WWOX: variants seen among roughly 807,000 people sequenced by gnomAD.
WWOX encodes WW domain containing oxidoreductase.
WWOX carries 69 observed loss-of-function variants against 46.2 expected under a neutral mutation model. The ratio of observed to expected loss-of-function variants is 1.49; its 90% CI spans 1.23 to 1.82. WWOX has a LOEUF of 1.82. Ranked by LOEUF, WWOX falls within the 40% of genes most tolerant of loss-of-function variation. The probability of loss-of-function intolerance (pLI) is 0.00; values close to 1 mark genes in which losing one functional copy is unlikely to be tolerated. For missense variants in WWOX, 919 were observed against 542.6 expected (o/e 1.69, Z -6.89); for synonymous variants, 359 against 202.6 (o/e 1.77, Z -6.56).
At chr16:78,958,166 C>T (rs772344010) in intron 8 of WWOX, among the ~76,000 whole-genome samples, 34 of 152,172 alleles carry the variant, frequency 2.2e-4, no homozygotes, top group Non-Finnish European at 4.6e-4. Flanking sequence ...AAGGAAATTC[C>T]ATTTGGTCCT....
intron 8 of WWOX, among the ~76,000 whole-genome samples, chr16:78,940,890 C>G (rs944117591): frequency 5.9e-5 from 9 of 152,160 alleles, no homozygotes; most frequent in Non-Finnish European, 2.9e-5. Context: ...TTTTCAGTCA[C>G]TCTTCATGTC....
chr16:78,623,277 G>C (rs1488028298), intron 8 of WWOX, among the ~76,000 whole-genome samples: 1 of 152,182 alleles, frequency 6.6e-6, no homozygotes, highest in Admixed American at 6.5e-5. Flanking sequence ...GTACACCCTG[G>C]ATAGTAGACA....
At chr16:78,399,359 G>A (rs999210872) in intron 6 of WWOX, among the ~76,000 whole-genome samples, 1 of 152,210 alleles carries the variant, frequency 6.6e-6, no homozygotes, top group South Asian at 2.1e-4. Context: ...ATAGTTGTAT[G>A]TAATCGTAGT....
rs146304586 is a variant in WWOX, at chr16:79,195,209, C to G, written c.1057-16399C>G. On this transcript the variant is annotated intron_variant, in intron 8 of 8. Coordinates refer to ENST00000566780, the MANE Select transcript of WWOX (RefSeq NM_016373.4). ...GTACCCCAGGAAGTAGATTCTGCAA[C>G]TGAGATTGGCATGTAGGAAGATTAC... Among the ~76,000 whole-genome samples the G allele has an allele frequency of 7.8e-4, 119 of 152,180 alleles. 1 individual carries two copies. In the East Asian group the frequency reaches 0.018, roughly 24 times the overall value.
rs555019201 is a variant in WWOX at position 78,193,260 on chromosome 16, A to C, written c.516+28971A>C. Reference sequence around the variant, plus strand: ...AGGCAGGGAGGGAATGATAATTGTGAACAAAGAATTCACTTGACCAAAGAT... The same window carrying C: ...AGGCAGGGAGGGAATGATAATTGTGCACAAAGAATTCACTTGACCAAAGAT... On this transcript the variant is annotated intron_variant, in intron 5 of 8. Transcript: ENST00000566780. Among the ~76,000 whole-genome samples, 228 of 152,362 alleles carry C rather than the reference A, an allele frequency of 1.5e-3. 1 individual carries two copies. Among genetic ancestry groups the C allele is most frequent in the African/African-American group, 5.4e-3 (225 of 41,590 alleles).
chr16:78,845,899 A>G (rs761350652), intron 8 of WWOX, among the ~76,000 whole-genome samples: 4 of 152,142 alleles, frequency 2.6e-5, no homozygotes, highest in Non-Finnish European at 5.9e-5. Context: ...CATTTTCCCC[A>G]TTTAAGGTAG....
intron 8 of WWOX, among the ~76,000 whole-genome samples, chr16:79,062,520 G>C (rs9922235): frequency 0.62 from 93,783 of 152,046 alleles, 29,374 homozygotes; most frequent in African/African-American, 0.69. Context: ...GAGGAATCGA[G>C]TGTGACTTTA....
intron 8 of WWOX, among the ~76,000 whole-genome samples, chr16:78,630,413 C>G (rs34561764): frequency 0.043 from 6,557 of 152,268 alleles, 230 homozygotes; most frequent in Middle Eastern, 0.075. Context: ...GGAATACCTG[C>G]TTTCCTTTGT....
chr16:78,511,327 C>A lies in WWOX; in HGVS notation c.1056+78575C>A, dbSNP rs575947109. 3.9e-5 allele frequency among the ~76,000 whole-genome samples: 6 copies of A among 152,322 alleles called. No homozygotes were observed. In the East Asian group the frequency reaches 1.2e-3, roughly 29 times the overall value. ...CACAGGGATGCCTTCGGTCCAGACA[C>A]TATGACCGTTGACGAAGGATTTGAA... On this transcript the variant is annotated intron_variant, in intron 8 of 8. Transcript: ENST00000566780.
chr16:79,210,546 T>C (rs1240410661), intron 8 of WWOX, among the ~76,000 whole-genome samples: 1 of 152,140 alleles, frequency 6.6e-6, no homozygotes, highest in Non-Finnish European at 1.5e-5. Context: ...AGTTACCTTT[T>C]CCGGTCCTCT....
chr16:78,530,050 C>A (rs186820218), intron 8 of WWOX, among the ~76,000 whole-genome samples: 2 of 152,116 alleles, frequency 1.3e-5, no homozygotes, highest in African/African-American at 2.4e-5. Flanking sequence ...CTCACTTGAA[C>A]CCCCTGCACT....
At chr16:78,409,978 G>A (rs1178351895) in intron 6 of WWOX, among the ~76,000 whole-genome samples, 1 of 152,218 alleles carries the variant, frequency 6.6e-6, no homozygotes, top group Non-Finnish European at 1.5e-5. Context: ...CACATGCCAT[G>A]TTGAAACATA....
intron 8 of WWOX, among the ~76,000 whole-genome samples, chr16:78,815,106 T>C (rs150595948): frequency 0.014 from 2,110 of 152,226 alleles, 26 homozygotes; most frequent in Non-Finnish European, 0.022. Context: ...GGGCAGATTG[T>C]CTGAGGTCAG....
At position 79,211,832 on chromosome 16, in the gene WWOX, C is replaced by CTG. The variant is rs747157054; in HGVS notation, c.*44_*45dup. 7 of 1,612,674 alleles carry CTG rather than the reference C, an allele frequency of 4.3e-6. No homozygotes were observed. In the African/African-American group the frequency reaches 5.3e-5, roughly 12 times the overall value. ...GAGCGGATGGGCACACACACCCGCCCTGTGTGTGTCCCCTCACGCAAGTGC... is the reference window on the plus strand; with the variant it reads ...GAGCGGATGGGCACACACACCCGCCCTGTGTGTGTGTCCCCTCACGCAAGTGC... On this transcript the variant is annotated 3_prime_UTR_variant, in exon 9 of 9. Transcript: ENST00000566780.
At chr16:78,849,160 C>T (rs917949446) in intron 8 of WWOX, among the ~76,000 whole-genome samples, 1 of 152,128 alleles carries the variant, frequency 6.6e-6, no homozygotes, top group Non-Finnish European at 1.5e-5. Context: ...CTAGTTTGGC[C>T]ACTGTTCTGC....
rs1597652424 is a variant in WWOX, at chr16:78,811,225, G to A, written c.1056+378473G>A. Among the ~76,000 whole-genome samples, 4 of 152,116 alleles carry A rather than the reference G, an allele frequency of 2.6e-5. No homozygotes were observed. In the South Asian group the frequency reaches 8.3e-4, roughly 32 times the overall value. On this transcript the variant is annotated intron_variant, in intron 8 of 8. Coordinates refer to ENST00000566780, the MANE Select transcript of WWOX (RefSeq NM_016373.4). ...GATCTACCTTATGTTGTATACACAT[G>A]GTCACTCACATACATAGGTGTATTA...
chr16:78,356,426 G>A (rs755657183), intron 5 of WWOX, among the ~76,000 whole-genome samples: 2 of 152,186 alleles, frequency 1.3e-5, no homozygotes, highest in Admixed American at 6.5e-5. Context: ...TTGTGGACCC[G>A]TGGGAAAATC....
intron 8 of WWOX, among the ~76,000 whole-genome samples, chr16:79,202,032 G>A (rs79548139): frequency 0.018 from 2,786 of 151,712 alleles, 38 homozygotes; most frequent in Middle Eastern, 0.051. Flanking sequence ...ACTATGGCCT[G>A]CCGGCTAAAT....
intron 8 of WWOX, among the ~76,000 whole-genome samples, chr16:78,494,560 A>G (rs2084864007): frequency 6.6e-6 from 1 of 152,230 alleles, no homozygotes; most frequent in Non-Finnish European, 1.5e-5. Flanking sequence ...TGTTTTTGGC[A>G]GGCAACATTC....
Sources: allele counts gnomAD v4.1 joint callset (sites outside exome capture counted in the v4.1 genomes callset), GRCh38; gene constraint gnomAD v4.1.1; transcripts MANE v1.5; gene names NCBI Gene and HGNC (gene_info 2026-07-23, HGNC 2026-07-21).